The following ZNF780A variants were observed in gnomAD, a reference collection of about 807,000 sequenced individuals.
ZNF780A encodes the protein zinc finger protein 780A.
In ZNF780A, 40 loss-of-function variants were observed where a neutral mutation model predicts 56.7. The observed-to-expected ratio is 0.71, with a 90% CI of 0.55 to 0.92. ZNF780A has a LOEUF of 0.92. Ranked by LOEUF, ZNF780A falls within the 40% of genes least tolerant of loss-of-function variation. ZNF780A has a pLI of 0.00. For synonymous variants in ZNF780A, 231 were observed against 248.3 expected (o/e 0.93, Z 0.66); for missense variants, 672 against 783.3 (o/e 0.86, Z 1.70).
downstream of ZNF780A, chr19:40,072,241 C>T (rs1599821787): frequency 1.4e-5 from 3 of 215,668 alleles, no homozygotes; most frequent in East Asian, 3.0e-4. Flanking sequence ...ACAACCCCTA[C>T]TACACCCCAA....
chr19:40,071,575 CAT>C (rs1302715464), downstream of ZNF780A: 21 of 152,268 alleles, frequency 1.4e-4, no homozygotes, highest in African/African-American at 2.9e-4. Flanking sequence ...CTAAAATACA[CAT>C]GATTATAAAT....
At position 40,075,058 on chromosome 19, in the gene ZNF780A, C is replaced by G. The variant is rs373980452; in HGVS notation, c.1384G>C (p.Glu462Gln). The G allele has an allele frequency of 4.3e-6, 7 of 1,613,970 alleles. No individual in the cohort carries two copies. The African/African-American group carries it at 6.7e-5, about 15-fold the overall frequency. Residue 462 changes from glutamate (E) to glutamine (Q), a missense_variant, in exon 6 of 6, where the codon GAA becomes CAA. Glu to Gln is a conservative substitution (Grantham distance 29). Coordinates refer to ENST00000683561, the MANE Select transcript of ZNF780A (RefSeq NM_001142578.2). ...MAFRYHCQLIEHSRIHTGDKP... is the reference protein window; with the variant it reads ...MAFRYHCQLIQHSRIHTGDKP... ...TCACCAGTATGAATTCGAGAATGTTCAATAAGTTGGCAATGATATCTAAAG... is the reference window on the plus strand; with the variant it reads ...TCACCAGTATGAATTCGAGAATGTTGAATAAGTTGGCAATGATATCTAAAG...
At chr19:40,071,823 A>G (rs1325450402), downstream of ZNF780A, 1 of 152,620 alleles carries the variant, frequency 6.6e-6, no homozygotes, top group Non-Finnish European at 1.5e-5. Context: ...ATTCCCTTGT[A>G]CAGAATATGC....
chr19:40,084,689 G>A (rs1482263755), intron 3 of ZNF780A, 56 bp downstream of exon 3: 4 of 1,507,958 alleles, frequency 2.7e-6, no homozygotes, highest in Non-Finnish European at 3.6e-6. Flanking sequence ...AATAATAACA[G>A]TCACCTAACC....
chr19:40,085,290 C>G (rs1599851703), intron 2 of ZNF780A: 2 of 985,414 alleles, frequency 2.0e-6, no homozygotes, highest in Middle Eastern at 5.2e-4. Flanking sequence ...GTGTTTGCAC[C>G]AAATTGCACT....
chr19:40,087,406 A>G (rs1176595025), intron 2 of ZNF780A, among the ~76,000 whole-genome samples: 12 of 152,222 alleles, frequency 7.9e-5, no homozygotes, highest in Admixed American at 7.9e-4. Context: ...GTTTCTAAAC[A>G]TCACCCCAGC....
In ZNF780A at chr19:40,073,611, C is replaced by T. The variant is rs749358873; in HGVS notation, c.*905G>A. 945 of 985,700 alleles carry T rather than the reference C, an allele frequency of 9.6e-4. 3 individuals are homozygous for T. Among genetic ancestry groups the T allele is most frequent in the Middle Eastern group, 1.5e-3 (3 of 1,936 alleles). 61.1% of individuals were successfully genotyped at this position (985,700 alleles called of 1,614,324 possible). On this transcript the variant is annotated 3_prime_UTR_variant, in exon 6 of 6. Coordinates refer to ENST00000683561, the MANE Select transcript of ZNF780A (RefSeq NM_001142578.2). Reference sequence around the variant, plus strand: ...TATTCCTCATTCAAAGACTTTCTCACAAGAATTATCTTCTCCGAACTCTAA... The same window carrying T: ...TATTCCTCATTCAAAGACTTTCTCATAAGAATTATCTTCTCCGAACTCTAA...
Position 40,073,796 on chromosome 19 carries a change from G to A in ZNF780A, c.*720C>T. 2 of 988,474 alleles carry A rather than the reference G, an allele frequency of 2.0e-6. No homozygotes were observed. The highest frequency in any genetic ancestry group is 2.4e-6 in the Non-Finnish European group (2 of 831,914). The allele number at this position is 988,474 out of a possible 1,614,324, so 61.2% of individuals were successfully genotyped here. On this transcript the variant is annotated 3_prime_UTR_variant, in exon 6 of 6. Coordinates refer to ENST00000683561, the MANE Select transcript of ZNF780A (RefSeq NM_001142578.2). ...TTCTCATCAATATGAGCTCTCTGGT[G>A]TTGAGTAAATTTTTCGTACACAGTG...
chr19:40,072,799 T>C, downstream of ZNF780A: 1 of 1,462,716 alleles, frequency 6.8e-7, no homozygotes. Context: ...TAAGCCTCTG[T>C]AGCTTTACTA....
rs542153063 is a variant in ZNF780A, at chr19:40,085,794, C to T, written c.-45-996G>A. 3.3e-5 allele frequency among the ~76,000 whole-genome samples: 5 copies of T among 152,150 alleles called. No homozygotes were observed. In the South Asian group the frequency reaches 1.0e-3, roughly 32 times the overall value. On this transcript the variant is annotated intron_variant, in intron 2 of 5. Transcript: ENST00000683561. ...ACTCAGGAGGCTGAGGCATGAGAAT[C>T]GCTTGAACCCAGGAGGCGGAGGTTG...
chr19:40,075,079 T>A lies in ZNF780A; in HGVS notation c.1363A>T (p.Arg455Ter). ...FVCRECEMAF[R>*]YHCQLIEHSR... Reference sequence around the variant, plus strand: ...TGTTCAATAAGTTGGCAATGATATCTAAAGGCCATCTCACATTCCCTACAT... The same window carrying A: ...TGTTCAATAAGTTGGCAATGATATCAAAAGGCCATCTCACATTCCCTACAT... The change falls in exon 6 of 6, where the codon AGA (arginine) becomes TGA (stop). Residue 455 changes from arginine (R) to a stop codon, truncating the protein, a stop_gained. Coordinates refer to ENST00000683561, the MANE Select transcript of ZNF780A (RefSeq NM_001142578.2). LOFTEE classifies it high-confidence loss of function. 5 of 1,614,150 alleles carry A rather than the reference T, an allele frequency of 3.1e-6. No homozygotes were observed. The highest frequency in any genetic ancestry group is 4.2e-6 in the Non-Finnish European group (5 of 1,180,012).
Position 40,075,886 on chromosome 19 carries a change from T to C in ZNF780A, c.556A>G (p.Ile186Val). 1 of 1,614,134 alleles carries C rather than the reference T, an allele frequency of 6.2e-7. No individual in the cohort carries two copies. Among genetic ancestry groups the C allele is most frequent in the Non-Finnish European group, 8.5e-7 (1 of 1,179,994 alleles). The change falls in exon 6 of 6, where the codon ATT becomes GTT. Residue 186 changes from isoleucine to valine, a missense_variant. Physicochemically the swap from Ile to Val is conservative, Grantham distance 29. Transcript: ENST00000683561. ...RSANLIQHQS[I>V]HTGEKPFECK... is the part of the protein sequence containing the mutation. ...TCAAAGGGTTTCTCTCCAGTATGAATACTCTGATGCTGAATAAGATTTGCA... is the reference window on the plus strand; with the variant it reads ...TCAAAGGGTTTCTCTCCAGTATGAACACTCTGATGCTGAATAAGATTTGCA...
At position 40,086,131 on chromosome 19, in the gene ZNF780A, GGGT is replaced by G. The variant is rs1974784106; in HGVS notation, c.-45-1336_-45-1334del. 5.9e-5 allele frequency among the ~76,000 whole-genome samples: 9 copies of G among 151,804 alleles called. 1 individual carries two copies. The highest frequency in any genetic ancestry group is 1.7e-4 in the African/African-American group (7 of 41,354). ...ATTTAGATATCTCCCTTTGAACTTGGGGTGGGAAATCAGCATACTCTAATGAAC... is the reference window on the plus strand; with the variant it reads ...ATTTAGATATCTCCCTTTGAACTTGGGGGAAATCAGCATACTCTAATGAAC... On this transcript the variant is annotated intron_variant, in intron 2 of 5. Coordinates refer to ENST00000683561, the MANE Select transcript of ZNF780A (RefSeq NM_001142578.2).
rs1424987358 is a variant in ZNF780A at position 40,078,332 on chromosome 19, C to T, written c.233-2123G>A. On this transcript the variant is annotated intron_variant, in intron 5 of 5. Transcript: ENST00000683561. Reference sequence around the variant, plus strand: ...AACCAAATATTTGAAATTTTGAGGTCCCAGAGATGAAGAGAAAAAATAAAG... The same window carrying T: ...AACCAAATATTTGAAATTTTGAGGTTCCAGAGATGAAGAGAAAAAATAAAG... Among the ~76,000 whole-genome samples, 8 of 151,886 alleles carry T rather than the reference C, an allele frequency of 5.3e-5. 1 individual carries two copies. In the South Asian group the frequency reaches 6.2e-4, roughly 12 times the overall value.
chr19:40,073,902 A>G lies in ZNF780A; in HGVS notation c.*614T>C. The G allele has an allele frequency of 9.9e-7, 1 of 1,005,630 alleles. No homozygotes were observed. The highest frequency in any genetic ancestry group is 1.2e-6 in the Non-Finnish European group (1 of 841,182). The allele number at this position is 1,005,630 out of a possible 1,614,324, so 62.3% of individuals were successfully genotyped here. A position where few individuals can be genotyped will look rare whatever the true frequency, so the allele number is the denominator to read the frequency against. On this transcript the variant is annotated 3_prime_UTR_variant, in exon 6 of 6. Transcript: ENST00000683561. ...GATGTTGAGACAGCTGATCATCCAC[A>G]GCAAATGCTTTCCCATATTCCTTAC...
intron 5 of ZNF780A, among the ~76,000 whole-genome samples, chr19:40,080,897 A>T (rs1974435952): frequency 6.6e-6 from 1 of 152,196 alleles, no homozygotes; most frequent in South Asian, 2.1e-4. Flanking sequence ...TATGTGATAG[A>T]ATGAAACCAG....
At chr19:40,072,900 A>C, downstream of ZNF780A, 1 of 1,550,440 alleles carries the variant, frequency 6.4e-7, no homozygotes, top group Non-Finnish European at 8.7e-7. Context: ...GAGATAACCA[A>C]ATGCAATGCA....
intron 5 of ZNF780A, among the ~76,000 whole-genome samples, chr19:40,076,969 G>A (rs1481382200): frequency 6.6e-6 from 1 of 152,084 alleles, no homozygotes; most frequent in Non-Finnish European, 1.5e-5. Flanking sequence ...AGGTTGTCCT[G>A]TTCACTACTA....
At chr19:40,082,872 T>C (rs1313739730) in intron 4 of ZNF780A, among the ~76,000 whole-genome samples, 2 of 152,160 alleles carry the variant, frequency 1.3e-5, no homozygotes, top group Non-Finnish European at 2.9e-5. Context: ...CCCATGGTCA[T>C]GAAGAGAGAG....
Sources: gnomAD v4.1 joint callset for allele counts (sites outside exome capture counted in the v4.1 genomes callset) on GRCh38, gnomAD v4.1.1 for gene constraint, MANE v1.5 for transcripts, NCBI Gene and HGNC (gene_info 2026-07-23, HGNC 2026-07-21) for gene names.